The following LPP variants were observed in gnomAD, a reference collection of about 807,000 sequenced individuals.
LPP encodes the protein LIM domain containing preferred translocation partner in lipoma, also known as lipoma-preferred partner.
A neutral mutation model predicts 60.4 loss-of-function variants in LPP; 38 were observed. The ratio of observed to expected loss-of-function variants is 0.63; its 90% CI spans 0.49 to 0.83. LPP has a LOEUF of 0.83. Among genes scored for constraint, LPP ranks in the 40% least tolerant of loss-of-function variants. The pLI is 0.00. For missense variants in LPP, 902 were observed against 783.6 expected (o/e 1.15, Z -1.80); for synonymous variants, 328 against 290.8 (o/e 1.13, Z -1.30).
chr3:188,621,153 G>T (rs532919718), intron 7 of LPP, among the ~76,000 whole-genome samples: 3 of 150,704 alleles, frequency 2.0e-5, no homozygotes, highest in African/African-American at 7.3e-5. Flanking sequence ...AAAAAAAAGA[G>T]TCGTTTATGT....
At chr3:188,430,975 A>G (rs1790748428) in intron 4 of LPP, among the ~76,000 whole-genome samples, 1 of 152,024 alleles carries the variant, frequency 6.6e-6, no homozygotes, top group Non-Finnish European at 1.5e-5. Context: ...TTAGAGTGCT[A>G]CAGCCACAGT....
chr3:188,729,753 G>A (rs992384387), intron 8 of LPP, among the ~76,000 whole-genome samples: 2 of 151,736 alleles, frequency 1.3e-5, no homozygotes, highest in African/African-American at 4.8e-5. Context: ...AAGGTGGGAG[G>A]ATTGCTTGAG....
chr3:188,157,121 T>C lies in LPP; in HGVS notation c.-190+2869T>C, dbSNP rs578122380. On this transcript the variant is annotated intron_variant, in intron 1 of 11. Coordinates refer to ENST00000617246, the MANE Select transcript of LPP (RefSeq NM_001375462.1). ...TGGTAATGGCACATCTTATAGTTGA[T>C]GGCTTAAATCTGATAAAATTGTTCA... Among the ~76,000 whole-genome samples the C allele has an allele frequency of 2.0e-5, 3 of 152,344 alleles. No individual in the cohort carries two copies. In the East Asian group the frequency reaches 5.8e-4, roughly 29 times the overall value.
At chr3:188,238,709 T>A (rs2149423300) in intron 2 of LPP, among the ~76,000 whole-genome samples, 1 of 152,268 alleles carries the variant, frequency 6.6e-6, no homozygotes, top group Non-Finnish European at 1.5e-5. Flanking sequence ...ATAATTATGA[T>A]AGTCACATCG....
At chr3:188,247,041 GA>G in intron 2 of LPP, 1 of 214,848 alleles carries the variant, frequency 4.7e-6, no homozygotes, top group Non-Finnish European at 8.0e-6. Flanking sequence ...TTAAAAGCTT[GA>G]CATGTTTGTG....
chr3:188,744,504 A>G (rs1725481821), intron 8 of LPP, among the ~76,000 whole-genome samples: 1 of 152,156 alleles, frequency 6.6e-6, no homozygotes. Flanking sequence ...CTAAGGTGCA[A>G]ATTTTAGCTC....
rs1413075128 is a variant in LPP, at chr3:188,278,138, C to T, written c.-67+52611C>T. ...TTTCTATTGTTCATTTCATTTAATC[C>T]TCAAAGCCAGCCTATGCAGTAGATA... On this transcript the variant is annotated intron_variant, in intron 2 of 11. Coordinates refer to ENST00000617246, the MANE Select transcript of LPP (RefSeq NM_001375462.1). Among the ~76,000 whole-genome samples the T allele has an allele frequency of 3.3e-5, 5 of 152,110 alleles. No individual in the cohort carries two copies. In the East Asian group the frequency reaches 9.6e-4, roughly 29 times the overall value.
chr3:188,219,125 G>A (rs768636538), intron 1 of LPP, among the ~76,000 whole-genome samples: 113 of 152,162 alleles, frequency 7.4e-4, no homozygotes, highest in Non-Finnish European at 1.3e-3. Context: ...GGAATCACAC[G>A]TCCTCATATT....
rs575641279 is a variant in LPP at position 188,700,377 on chromosome 3, G to A, written c.1114-7890G>A. On this transcript the variant is annotated intron_variant, in intron 7 of 11. Transcript: ENST00000617246. ...GAGGAACTCAGGGGGCTGACATTGC[G>A]ACAGATAGTGGGTATCCATTTTGTA... Among the ~76,000 whole-genome samples, 74 of 152,280 alleles carry A rather than the reference G, an allele frequency of 4.9e-4. 2 individuals carry two copies. The South Asian group carries it at 7.9e-3, about 16-fold the overall frequency.
At position 188,491,050 on chromosome 3, in the gene LPP, G is replaced by A. The variant is rs377463491; in HGVS notation, c.306+6346G>A. On this transcript the variant is annotated intron_variant, in intron 5 of 11. Transcript: ENST00000617246. ...GCTGGGATTACAGGCGTGAGCCACC[G>A]CGCCTGGCCGGCACTGGAATTTTTG... Among the ~76,000 whole-genome samples the A allele has an allele frequency of 1.8e-4, 28 of 152,072 alleles. No individual in the cohort carries two copies. In the East Asian group the frequency reaches 4.1e-3, roughly 22 times the overall value.
At chr3:188,860,407 CT>C (rs1178463829) in intron 9 of LPP, among the ~76,000 whole-genome samples, 1 of 152,046 alleles carries the variant, frequency 6.6e-6, no homozygotes, top group East Asian at 1.9e-4. Context: ...ACTTCCCAAC[CT>C]TTTTCACATC....
chr3:188,177,472 C>A (rs1306470468), intron 1 of LPP, among the ~76,000 whole-genome samples: 2 of 152,098 alleles, frequency 1.3e-5, no homozygotes, highest in Admixed American at 1.3e-4. Flanking sequence ...ATCCTGCCAC[C>A]TTGATTTCTG....
intron 1 of LPP, among the ~76,000 whole-genome samples, chr3:188,223,550 A>G (rs534339714): frequency 2.0e-5 from 3 of 152,310 alleles, no homozygotes; most frequent in South Asian, 2.1e-4. Context: ...AAAATTATTA[A>G]AAGAGAAGTT....
At chr3:188,389,944 G>T (rs541681995) in intron 3 of LPP, among the ~76,000 whole-genome samples, 1 of 152,234 alleles carries the variant, frequency 6.6e-6, no homozygotes, top group East Asian at 1.9e-4. Context: ...TGTTCATCCA[G>T]GTGAGCAAAC....
intron 2 of LPP, among the ~76,000 whole-genome samples, chr3:188,265,187 A>G (rs559148294): frequency 6.6e-6 from 1 of 152,198 alleles, no homozygotes; most frequent in South Asian, 2.1e-4. Context: ...TTTTTCAGCT[A>G]TTGTTGTTGT....
intron 6 of LPP, among the ~76,000 whole-genome samples, chr3:188,562,798 G>A (rs902134265): frequency 9.9e-5 from 15 of 151,960 alleles, no homozygotes; most frequent in African/African-American, 3.4e-4. Context: ...CTACGGCCTC[G>A]TTTGATGTTT....
rs145537437 is a variant in LPP, at chr3:188,374,183, C to T, written c.-9-31929C>T. Among the ~76,000 whole-genome samples the T allele has an allele frequency of 7.7e-3, 1,164 of 151,966 alleles. 22 individuals are homozygous for T. The highest frequency in any genetic ancestry group is 0.022 in the African/African-American group (912 of 41,290). On this transcript the variant is annotated intron_variant, in intron 3 of 11. Coordinates refer to ENST00000617246, the MANE Select transcript of LPP (RefSeq NM_001375462.1). ...TTCTTTTGGCTTAGGATTGACTTGG[C>T]GATGCAGGCTGTTTTTTGGTTCCAG... is the stretch of plus-strand genomic sequence containing the variant.
intron 6 of LPP, among the ~76,000 whole-genome samples, chr3:188,547,087 G>T (rs1375596631): frequency 6.6e-6 from 1 of 152,170 alleles, no homozygotes; most frequent in Non-Finnish European, 1.5e-5. Context: ...TTCTCCTGGA[G>T]AGGTCAGAGG....
chr3:188,316,958 T>C (rs998534814), intron 2 of LPP, among the ~76,000 whole-genome samples: 1 of 152,186 alleles, frequency 6.6e-6, no homozygotes, highest in African/African-American at 2.4e-5. Flanking sequence ...CCAACAATCC[T>C]TGCTAAGGCA....
Sources: gnomAD v4.1 joint callset for allele counts (sites outside exome capture counted in the v4.1 genomes callset) on GRCh38, gnomAD v4.1.1 for gene constraint, MANE v1.5 for transcripts, NCBI Gene and HGNC (gene_info 2026-07-23, HGNC 2026-07-21) for gene names.